The following IL34 variants were observed in gnomAD, a reference collection of about 807,000 sequenced individuals.
The protein encoded by IL34 is interleukin-34.
Under a neutral mutation model 25.3 loss-of-function variants are expected in IL34, and 17 were observed. The ratio of observed to expected loss-of-function variants is 0.67; its 90% CI spans 0.46 to 1.01. The LOEUF is 1.01. Ranked by LOEUF, IL34 falls within the 50% of genes least tolerant of loss-of-function variation. The pLI, the probability that IL34 is intolerant of heterozygous loss-of-function variation, is 0.00. For synonymous variants in IL34, 174 were observed against 140.9 expected, an observed-to-expected ratio of 1.23 and a Z score of -1.66; for missense variants, 368 against 312.9, an observed-to-expected ratio of 1.18 and a Z score of -1.33.
upstream of IL34, among the ~76,000 whole-genome samples, chr16:70,642,623 C>G (rs1170096896): frequency 1.3e-5 from 2 of 152,066 alleles, no homozygotes; most frequent in Non-Finnish European, 2.9e-5. Context: ...AAGGCATTAT[C>G]CCACCATAAG....
At position 70,652,505 on chromosome 16, in the gene IL34, G is replaced by T. The variant is rs117743617; in HGVS notation, c.29-2033G>T. Among the ~76,000 whole-genome samples, 372 of 152,330 alleles carry T rather than the reference G, an allele frequency of 2.4e-3. 8 individuals carry two copies. Among genetic ancestry groups the T allele is most frequent in the South Asian group, 0.024 (114 of 4,826 alleles). On this transcript the variant is annotated intron_variant, in intron 1 of 5. Coordinates refer to ENST00000288098, the MANE Select transcript of IL34 (RefSeq NM_001393494.1). Reference sequence around the variant, plus strand: ...TCTCCCATAGAGATTTGGTAGTCATGCTATGAACACAGATAGTGTTGAGTC... The same window carrying T: ...TCTCCCATAGAGATTTGGTAGTCATTCTATGAACACAGATAGTGTTGAGTC...
In IL34 at chr16:70,654,562, C is replaced by T. The variant is rs766468671; in HGVS notation, c.53C>T (p.Ala18Val). ...GATCTTGGGATCTTCCTTGGCGTGGCCTTGGGGAATGAGCCTTTGGAGATG... is the reference window on the plus strand; with the variant it reads ...GATCTTGGGATCTTCCTTGGCGTGGTCTTGGGGAATGAGCCTTTGGAGATG... Reference protein sequence around the residue: ...LRYLGIFLGVALGNEPLEMWP... With the variant: ...LRYLGIFLGVVLGNEPLEMWP... The change falls in exon 2 of 6, where the codon GCC (alanine) becomes GTC (valine). Residue 18 changes from alanine (A) to valine (V), a missense_variant. Transcript: ENST00000288098. The T allele has an allele frequency of 4.3e-6, 7 of 1,612,898 alleles. No homozygotes were observed. In the South Asian group the frequency reaches 7.7e-5, roughly 18 times the overall value.
chr16:70,633,758 C>T (rs1440790785), intron 1 of IL34, among the ~76,000 whole-genome samples: 1 of 152,176 alleles, frequency 6.6e-6, no homozygotes, highest in African/African-American at 2.4e-5. Flanking sequence ...CTTTTCCTGT[C>T]TCTTCCCAGG....
At chr16:70,647,566 A>G (rs559254807) in intron 1 of IL34, among the ~76,000 whole-genome samples, 3 of 152,278 alleles carry the variant, frequency 2.0e-5, no homozygotes, top group Non-Finnish European at 4.4e-5. Flanking sequence ...GGCCAGACCA[A>G]GATCCCCTCA....
intron 1 of IL34, among the ~76,000 whole-genome samples, chr16:70,595,026 C>T (rs1393408522): frequency 6.6e-6 from 1 of 151,176 alleles, no homozygotes. Context: ...GCGATCTCGG[C>T]TCACTGCAAC....
At chr16:70,619,959 C>G (rs905785648) in intron 1 of IL34, among the ~76,000 whole-genome samples, 2 of 149,806 alleles carry the variant, frequency 1.3e-5, no homozygotes, top group African/African-American at 4.9e-5. Context: ...TCTGGAGGAA[C>G]GCCTGGCCGC....
At chr16:70,621,249 C>G (rs528167091) in intron 1 of IL34, among the ~76,000 whole-genome samples, 6 of 152,106 alleles carry the variant, frequency 3.9e-5, no homozygotes, top group African/African-American at 1.4e-4. Context: ...ATCAGAGAGG[C>G]GTCCCTGCAA....
At chr16:70,594,484 T>C (rs2050793858) in intron 1 of IL34, among the ~76,000 whole-genome samples, 1 of 152,202 alleles carries the variant, frequency 6.6e-6, no homozygotes, top group Non-Finnish European at 1.5e-5. Context: ...CCTCTACTTC[T>C]CATTCCCTAG....
intron 1 of IL34, among the ~76,000 whole-genome samples, chr16:70,625,340 C>G (rs57297161): frequency 6.7e-6 from 1 of 149,702 alleles, no homozygotes; most frequent in African/African-American, 2.5e-5. Flanking sequence ...GAAGGGGGGT[C>G]GGGGCATGGA....
At chr16:70,644,632 A>C (rs765464432), upstream of IL34, among the ~76,000 whole-genome samples, 1 of 151,198 alleles carries the variant, frequency 6.6e-6, no homozygotes, top group African/African-American at 2.4e-5. Flanking sequence ...ACTAATGACA[A>C]CTAAATGTTC....
chr16:70,629,450 C>G (rs2051468217), intron 1 of IL34, among the ~76,000 whole-genome samples: 5 of 152,108 alleles, frequency 3.3e-5, no homozygotes, highest in Admixed American at 3.3e-4. Flanking sequence ...GGAACCGGTT[C>G]CAGAACCCCC....
intron 3 of IL34, 33 bp downstream of exon 3, chr16:70,656,712 G>T: frequency 9.3e-7 from 1 of 1,080,508 alleles, no homozygotes; most frequent in Non-Finnish European, 1.4e-6. Flanking sequence ...GGGGGACCCT[G>T]CCTCCTGCGA....
At chr16:70,629,487 C>G (rs2051469297) in intron 1 of IL34, among the ~76,000 whole-genome samples, 1 of 152,172 alleles carries the variant, frequency 6.6e-6, no homozygotes, top group South Asian at 2.1e-4. Flanking sequence ...CATGGACGCT[C>G]AGGTCCCTTA....
intron 1 of IL34, among the ~76,000 whole-genome samples, chr16:70,592,905 G>A (rs536145568): frequency 4.6e-5 from 7 of 152,150 alleles, no homozygotes; most frequent in East Asian, 3.9e-4. Context: ...TGCCCGCCTC[G>A]GCCTCCCAAA....
chr16:70,603,164 T>C (rs2050944013), intron 1 of IL34, among the ~76,000 whole-genome samples: 2 of 152,144 alleles, frequency 1.3e-5, no homozygotes, highest in Admixed American at 6.6e-5. Context: ...AACAAGGAAA[T>C]GTAAGAGACA....
At chr16:70,595,775 G>A (rs2050813504) in intron 1 of IL34, among the ~76,000 whole-genome samples, 1 of 152,080 alleles carries the variant, frequency 6.6e-6, no homozygotes, top group Non-Finnish European at 1.5e-5. Context: ...ACTTTGGGAG[G>A]CCGAGACAGA....
intron 1 of IL34, among the ~76,000 whole-genome samples, chr16:70,582,629 G>T (rs2050648001): frequency 6.6e-6 from 1 of 152,262 alleles, no homozygotes; most frequent in African/African-American, 2.4e-5. Flanking sequence ...TACCGTGGAA[G>T]TCAAGGCTGC....
At chr16:70,611,364 C>A (rs1348380470) in intron 1 of IL34, among the ~76,000 whole-genome samples, 1 of 152,130 alleles carries the variant, frequency 6.6e-6, no homozygotes, top group Non-Finnish European at 1.5e-5. Flanking sequence ...GTGTCCTTCT[C>A]CCCGCCACCT....
intron 1 of IL34, among the ~76,000 whole-genome samples, chr16:70,614,434 C>T (rs919577561): frequency 2.0e-5 from 3 of 152,116 alleles, no homozygotes; most frequent in African/African-American, 7.2e-5. Context: ...GGGCCTGGAG[C>T]CTGTGTTTTT....
Sources: gnomAD v4.1 joint callset for allele counts (sites outside exome capture counted in the v4.1 genomes callset) on GRCh38, gnomAD v4.1.1 for gene constraint, MANE v1.5 for transcripts, NCBI Gene and HGNC (gene_info 2026-07-23, HGNC 2026-07-21) for gene names.